The following PTCH1 variants were observed in gnomAD, a reference collection of about 807,000 sequenced individuals.
PTCH1 encodes patched 1, also known as protein patched homolog 1.
PTCH1 carries 14 observed loss-of-function variants against 144.6 expected under a neutral mutation model. That is an observed-to-expected ratio of 0.10 (90% CI 0.06 to 0.15). The LOEUF (loss-of-function observed/expected upper bound fraction) is 0.15, where lower values mean the gene tolerates loss of function less well. PTCH1 is among the 10% of genes least tolerant of loss of function. The pLI is 1.00. For synonymous variants in PTCH1, 833 were observed against 793.6 expected (o/e 1.05, Z -0.83); for missense variants, 1,623 against 1,948.3 (o/e 0.83, Z 3.14).
At position 95,443,077 on chromosome 9, in the gene PTCH1, A is replaced by G. The variant is rs1837609230; in HGVS notation, c.*3316T>C. ...AGAGATGACAGAAGGACTAATTTTG[A>G]TGGTTAACTTAGGAAGTTTCTTGGT... On this transcript the variant is annotated 3_prime_UTR_variant, in exon 24 of 24. Transcript: ENST00000331920. 1 of 152,212 alleles carries G rather than the reference A, an allele frequency of 6.6e-6. No individual in the cohort carries two copies. The highest frequency in any genetic ancestry group is 2.4e-5 in the African/African-American group (1 of 41,452). 9.4% of individuals were successfully genotyped at this position (152,212 alleles called of 1,614,324 possible). A position where few individuals can be genotyped will look rare whatever the true frequency, so the allele number is the denominator to read the frequency against.
At chr9:95,490,706 C>T (rs1341452011) in intron 2 of PTCH1, among the ~76,000 whole-genome samples, 1 of 152,028 alleles carries the variant, frequency 6.6e-6, no homozygotes, top group Non-Finnish European at 1.5e-5. Flanking sequence ...TGAGGGTTAT[C>T]AGAGGCTGGG....
In PTCH1 at chr9:95,509,097, G is replaced by T. The variant is rs2118918349; in HGVS notation, c.-736C>A. Reference sequence around the variant, plus strand: ...CCTCGGCAACCCGCTGGACCATTCTGTCCCCGTGCAGCGCGCCTCTCTCGC... The same window carrying T: ...CCTCGGCAACCCGCTGGACCATTCTTTCCCCGTGCAGCGCGCCTCTCTCGC... On this transcript the variant is annotated 5_prime_UTR_variant, in exon 1 of 24. Transcript: ENST00000331920. Among the ~76,000 whole-genome samples the T allele has an allele frequency of 6.6e-6, 1 of 152,146 alleles. No homozygotes were observed. Among genetic ancestry groups the T allele is most frequent in the Non-Finnish European group, 1.5e-5 (1 of 67,962 alleles).
chr9:95,498,600 G>T (rs780705624), intron 2 of PTCH1, among the ~76,000 whole-genome samples: 1 of 151,976 alleles, frequency 6.6e-6, no homozygotes, highest in Non-Finnish European at 1.5e-5. Context: ...GTATTCTGCT[G>T]TACGGAAGGC....
At chr9:95,469,175 T>C in intron 13 of PTCH1, 22 bp from the exon 14 acceptor site, 1 of 1,613,832 alleles carries the variant, frequency 6.2e-7, no homozygotes, top group Non-Finnish European at 8.5e-7. Context: ...GGAAACATGT[T>C]GCAATGTTAT....
At chr9:95,450,178 AG>A in intron 20 of PTCH1, 1 of 551,684 alleles carries the variant, frequency 1.8e-6, no homozygotes, top group Non-Finnish European at 3.3e-6. Context: ...CATGAAGGGA[AG>A]AAAAAAAAAA....
chr9:95,467,033 G>T, intron 15 of PTCH1, 83 bp downstream of exon 15: 1 of 1,426,760 alleles, frequency 7.0e-7, no homozygotes, highest in Non-Finnish European at 9.8e-7. Context: ...CTAATCTAAC[G>T]CTCTCATAAT....
chr9:95,462,484 C>T (rs867543668), intron 15 of PTCH1, among the ~76,000 whole-genome samples: 4 of 152,144 alleles, frequency 2.6e-5, no homozygotes, highest in Non-Finnish European at 5.9e-5. Flanking sequence ...TGAGCGAACA[C>T]GATTCTGTCA....
At chr9:95,468,327 G>A (rs1840220614) in intron 14 of PTCH1, among the ~76,000 whole-genome samples, 1 of 152,202 alleles carries the variant, frequency 6.6e-6, no homozygotes, top group Admixed American at 6.5e-5. Context: ...AGAGTGCTGG[G>A]ATTACAGGCG....
chr9:95,458,277 G>C lies in PTCH1; in HGVS notation c.2904C>G (p.Pro968=), dbSNP rs1554691433. Residue 968 remains proline (P), a synonymous_variant, in exon 18 of 24, where the codon CCC becomes CCG. Coordinates refer to ENST00000331920, the MANE Select transcript of PTCH1 (RefSeq NM_000264.5). The surrounding 1 kb of genome is among the most constrained non-coding windows in gnomAD (Gnocchi z 4.7). ...ETRLRIPAAE[P]IEYAQFPFYL... ...AGAAAGGGAACTGGGCATACTCGAT[G>C]GGCTCTGCTGCCGGGACTGGACAGA... 1.9e-6 allele frequency: 3 copies of C among 1,613,914 alleles called. No individual in the cohort carries two copies. The Admixed American group carries it at 5.0e-5, about 27-fold the overall frequency.
intron 1 of PTCH1, chr9:95,507,208 G>A: frequency 2.0e-6 from 2 of 985,546 alleles, no homozygotes; most frequent in Non-Finnish European, 2.4e-6. Flanking sequence ...TTAGGAAGTG[G>A]GGCAGCCAGC....
At position 95,485,640 on chromosome 9, in the gene PTCH1, C is replaced by T. The variant is rs746655757; in HGVS notation, c.584+45G>A. 8.1e-6 allele frequency: 13 copies of T among 1,611,224 alleles called. No individual in the cohort carries two copies. The South Asian group carries it at 8.8e-5, about 11-fold the overall frequency. On this transcript the variant is annotated intron_variant, in intron 3 of 23. Coordinates refer to ENST00000331920, the MANE Select transcript of PTCH1 (RefSeq NM_000264.5). ...GCCTAAACCAGCAGCCTTCTCCCAC[C>T]GCCTTACCTGCTGCTCATTAGTAGG...
intron 1 of PTCH1, chr9:95,507,918 A>G (rs1242563277): frequency 4.4e-6 from 6 of 1,374,884 alleles, no homozygotes; most frequent in East Asian, 2.9e-5. Flanking sequence ...ACACACACAC[A>G]CGCACACACA....
At chr9:95,501,935 G>T (rs1223199836) in intron 2 of PTCH1, among the ~76,000 whole-genome samples, 1 of 152,140 alleles carries the variant, frequency 6.6e-6, no homozygotes, top group African/African-American at 2.4e-5. Flanking sequence ...TGGCTCCAGG[G>T]AAAACACTAG....
rs1843965167 is a variant in PTCH1, at chr9:95,508,759, CCGCGCCG to C, written c.-405_-399del. ...CAACTCCCCCTACCCGCCCCCCGCC[CCGCGCCG>C]CGACCCCTTCACTGCAGAAAGAGCC... is the stretch of plus-strand genomic sequence containing the variant. On this transcript the variant is annotated 5_prime_UTR_variant, in exon 1 of 24. Transcript: ENST00000331920. The C allele has an allele frequency of 1.0e-6, 1 of 984,984 alleles. No homozygotes were observed. The highest frequency in any genetic ancestry group is 1.7e-5 in the African/African-American group (1 of 57,186). 61.0% of individuals were successfully genotyped at this position (984,984 alleles called of 1,614,324 possible).
chr9:95,468,913 G>A lies in PTCH1; in HGVS notation c.2088C>T (p.Thr696=). ...TGCTCTCTGGGCTCTGGCAGCTGAGGGTGTCCTGTGTCACGGTGACGGGCT... is the reference window on the plus strand; with the variant it reads ...TGCTCTCTGGGCTCTGGCAGCTGAGAGTGTCCTGTGTCACGGTGACGGGCT... ...SVQPVTVTQD[T]LSCQSPESTS... Residue 696 remains threonine, a synonymous_variant, in exon 14 of 24, where the codon ACC becomes ACT. Transcript: ENST00000331920. The A allele has an allele frequency of 6.2e-7, 1 of 1,614,164 alleles. No homozygotes were observed. The highest frequency in any genetic ancestry group is 8.5e-7 in the Non-Finnish European group (1 of 1,180,042).
intron 22 of PTCH1, 43 bp from the exon 23 acceptor site, chr9:95,447,494 T>TG: frequency 1.3e-6 from 2 of 1,504,500 alleles, no homozygotes; most frequent in Non-Finnish European, 1.8e-6. Context: ...TATCCCAGGC[T>TG]GGGCATGGTC....
chr9:95,506,855 G>A lies in PTCH1; in HGVS notation c.202-256C>T, dbSNP rs751397054. 6.5e-4 allele frequency: 772 copies of A among 1,182,468 alleles called. 3 individuals carry two copies. Among genetic ancestry groups the A allele is most frequent in the Non-Finnish European group, 7.2e-4 (688 of 956,104 alleles). The allele number at this position is 1,182,468 out of a possible 1,614,324, so 73.2% of individuals were successfully genotyped here. Reference sequence around the variant, plus strand: ...GCCCCCACCCGCGGGATCCCTGAGCGACTTGGGGCACTGGGGCTGCAATAC... The same window carrying A: ...GCCCCCACCCGCGGGATCCCTGAGCAACTTGGGGCACTGGGGCTGCAATAC... On this transcript the variant is annotated intron_variant, in intron 1 of 23. Transcript: ENST00000331920.
chr9:95,510,112 G>A (rs1366928407), upstream of PTCH1, among the ~76,000 whole-genome samples: 2 of 151,904 alleles, frequency 1.3e-5, no homozygotes, highest in East Asian at 1.9e-4. Context: ...TTTGAATCTC[G>A]AATGTGACAT....
rs183686418 is a variant in PTCH1 at position 95,481,259 on chromosome 9, T to C, written c.747-671A>G. ...CAACCAGAAAACACAAAACCCCTTATTTCCCATCTAAAACTGTACACTGAA... is the reference window on the plus strand; with the variant it reads ...CAACCAGAAAACACAAAACCCCTTACTTCCCATCTAAAACTGTACACTGAA... On this transcript the variant is annotated intron_variant, in intron 5 of 23. Transcript: ENST00000331920. Among the ~76,000 whole-genome samples, 22 of 152,336 alleles carry C rather than the reference T, an allele frequency of 1.4e-4. No homozygotes were observed. In the East Asian group the frequency reaches 3.9e-3, roughly 27 times the overall value.
Sources: gnomAD v4.1 joint callset for allele counts (sites outside exome capture counted in the v4.1 genomes callset) on GRCh38, gnomAD v4.1.1 for gene constraint, Gnocchi (gnomAD v3.1) non-coding constraint, MANE v1.5 for transcripts, NCBI Gene and HGNC (gene_info 2026-07-23, HGNC 2026-07-21) for gene names.